Variants in EGFLAM observed in about 807,000 individuals in gnomAD.
EGFLAM encodes pikachurin.
A neutral mutation model predicts 113.1 loss-of-function variants in EGFLAM; 79 were observed. The observed-to-expected ratio is 0.70, with a 90% CI of 0.58 to 0.84. The LOEUF (loss-of-function observed/expected upper bound fraction) is 0.84, where lower values mean the gene tolerates loss of function less well. EGFLAM is among the 40% of genes least tolerant of loss of function. The pLI, the probability that EGFLAM is intolerant of heterozygous loss-of-function variation, is 0.00. For synonymous variants in EGFLAM, 504 were observed against 487.6 expected (o/e 1.03, Z -0.44); for missense variants, 1,265 against 1,291.6 (o/e 0.98, Z 0.32).
At chr5:38,266,212 G>A (rs1757631843) in intron 1 of EGFLAM, among the ~76,000 whole-genome samples, 1 of 152,284 alleles carries the variant, frequency 6.6e-6, no homozygotes, top group Non-Finnish European at 1.5e-5. Context: ...GGTTTCTCCT[G>A]GTGGAGCAGG....
At chr5:38,404,392 A>G (rs1300714464) in intron 6 of EGFLAM, among the ~76,000 whole-genome samples, 2 of 152,186 alleles carry the variant, frequency 1.3e-5, no homozygotes, top group African/African-American at 2.4e-5. Flanking sequence ...AGATGCAGTG[A>G]GAAGGCACCA....
chr5:38,321,230 A>G (rs553453619), intron 1 of EGFLAM, among the ~76,000 whole-genome samples: 34 of 152,110 alleles, frequency 2.2e-4, no homozygotes, highest in Non-Finnish European at 4.4e-4. Context: ...GGAGTGCACA[A>G]CCTAGATTCC....
chr5:38,422,723 T>C (rs542418959), intron 12 of EGFLAM, among the ~76,000 whole-genome samples: 1 of 152,236 alleles, frequency 6.6e-6, no homozygotes, highest in Admixed American at 6.5e-5. Flanking sequence ...CTTCAAAAAA[T>C]GTGCAATAAA....
intron 15 of EGFLAM, among the ~76,000 whole-genome samples, chr5:38,432,971 A>G (rs1742233226): frequency 6.6e-6 from 1 of 152,198 alleles, no homozygotes; most frequent in Admixed American, 6.5e-5. Flanking sequence ...AGTTTTAAAG[A>G]AAAAGGAACC....
intron 1 of EGFLAM, among the ~76,000 whole-genome samples, chr5:38,335,448 C>A (rs1238297407): frequency 6.6e-6 from 1 of 152,176 alleles, no homozygotes; most frequent in Non-Finnish European, 1.5e-5. Context: ...GGGGTTCCTT[C>A]TTTACTGTGG....
At chr5:38,289,891 A>G (rs932788655) in intron 1 of EGFLAM, among the ~76,000 whole-genome samples, 13 of 152,184 alleles carry the variant, frequency 8.5e-5, no homozygotes, top group African/African-American at 2.4e-4. Context: ...CCACTATCAA[A>G]CAGCCCAGAA....
intron 1 of EGFLAM, among the ~76,000 whole-genome samples, chr5:38,267,162 A>G (rs1006707892): frequency 3.9e-5 from 6 of 152,174 alleles, no homozygotes; most frequent in Non-Finnish European, 7.4e-5. Flanking sequence ...ACACTTGACA[A>G]TTCTTTCTTG....
chr5:38,343,220 A>G (rs1739385589), intron 3 of EGFLAM, among the ~76,000 whole-genome samples: 1 of 152,030 alleles, frequency 6.6e-6, no homozygotes, highest in African/African-American at 2.4e-5. Flanking sequence ...CCTGGCCAAC[A>G]TAGTGAAACC....
chr5:38,349,773 G>GCGCACA (rs1554049180), intron 3 of EGFLAM, among the ~76,000 whole-genome samples: 4,998 of 131,048 alleles, frequency 0.038, 86 homozygotes, highest in South Asian at 0.089. Flanking sequence ...AAGTACACAC[G>GCGCACA]CACACACACA....
rs1004940298 is a variant in EGFLAM, at chr5:38,354,173, C to T, written c.545+1842C>T. ...TTTTTTTATAATGCCCACTGCAAAG[C>T]CCCAGAACAATGCTTTGCATTGAAG... On this transcript the variant is annotated intron_variant, in intron 5 of 21. Transcript: ENST00000322350. 1.8e-4 allele frequency among the ~76,000 whole-genome samples: 28 copies of T among 151,948 alleles called. 1 individual carries two copies. Among genetic ancestry groups the T allele is most frequent in the Admixed American group, 1.8e-3 (28 of 15,264 alleles).
chr5:38,296,826 A>G (rs1758462289), intron 1 of EGFLAM, among the ~76,000 whole-genome samples: 1 of 152,072 alleles, frequency 6.6e-6, no homozygotes, highest in African/African-American at 2.4e-5. Flanking sequence ...GATTAACATC[A>G]CCAGTAATAA....
At chr5:38,459,565 A>G (rs1348887735) in intron 20 of EGFLAM, among the ~76,000 whole-genome samples, 1 of 152,238 alleles carries the variant, frequency 6.6e-6, no homozygotes, top group Non-Finnish European at 1.5e-5. Context: ...TGAAGGTCCC[A>G]GGAGAAGATA....
At chr5:38,277,469 A>G (rs1757914800) in intron 1 of EGFLAM, among the ~76,000 whole-genome samples, 1 of 128,126 alleles carries the variant, frequency 7.8e-6, no homozygotes, top group South Asian at 2.5e-4. Context: ...GAACAAGGAA[A>G]AGTTGAAAGC....
At chr5:38,371,461 CA>C (rs1237121433) in intron 6 of EGFLAM, among the ~76,000 whole-genome samples, 1 of 152,148 alleles carries the variant, frequency 6.6e-6, no homozygotes, top group East Asian at 1.9e-4. Context: ...CTGCTGTGTT[CA>C]GGGGTAGAGA....
At chr5:38,418,932 A>C (rs1741742662) in intron 12 of EGFLAM, among the ~76,000 whole-genome samples, 1 of 152,226 alleles carries the variant, frequency 6.6e-6, no homozygotes, top group Non-Finnish European at 1.5e-5. Flanking sequence ...GAGCTGCCAT[A>C]ACAAAATACT....
At chr5:38,429,197 G>A (rs1561087731) in intron 14 of EGFLAM, among the ~76,000 whole-genome samples, 2 of 152,204 alleles carry the variant, frequency 1.3e-5, no homozygotes, top group Non-Finnish European at 1.5e-5. Flanking sequence ...GGCTGTGATC[G>A]ATAAAAGGAT....
intron 9 of EGFLAM, among the ~76,000 whole-genome samples, chr5:38,408,797 C>T (rs1216992868): frequency 3.9e-5 from 6 of 152,194 alleles, no homozygotes; most frequent in African/African-American, 1.4e-4. Flanking sequence ...CACTGCTACC[C>T]CTCAGTTTAT....
intron 18 of EGFLAM, among the ~76,000 whole-genome samples, chr5:38,451,092 A>G (rs1364564601): frequency 6.6e-6 from 1 of 152,212 alleles, no homozygotes; most frequent in African/African-American, 2.4e-5. Context: ...CACTCAGCAA[A>G]TGCTCTCTGG....
intron 5 of EGFLAM, among the ~76,000 whole-genome samples, chr5:38,362,473 A>G (rs1739949531): frequency 6.6e-6 from 1 of 152,074 alleles, no homozygotes; most frequent in East Asian, 1.9e-4. Flanking sequence ...TTATTCTTAA[A>G]CAGTTAATTT....
Sources: allele counts gnomAD v4.1 joint callset (sites outside exome capture counted in the v4.1 genomes callset), GRCh38; gene constraint gnomAD v4.1.1; transcripts MANE v1.5; gene names NCBI Gene and HGNC (gene_info 2026-07-23, HGNC 2026-07-21).